Variants in OGDH observed in about 807,000 individuals in gnomAD.
OGDH encodes the protein oxoglutarate dehydrogenase.
A neutral mutation model predicts 116.6 loss-of-function variants in OGDH; 38 were observed. That is an observed-to-expected ratio of 0.33 (90% CI 0.25 to 0.43). OGDH has a LOEUF of 0.43. Among genes scored for constraint, OGDH ranks in the 20% least tolerant of loss-of-function variants. The probability of loss-of-function intolerance (pLI) is 1.00; values close to 1 mark genes in which losing one functional copy is unlikely to be tolerated. For missense variants in OGDH, 825 were observed against 1,357.2 expected (o/e 0.61, Z 6.16); for synonymous variants, 488 against 533.3 (o/e 0.92, Z 1.17).
Position 44,625,581 on chromosome 7 carries a change from G to A in OGDH, c.222+1016G>A, listed in dbSNP as rs977531142. On this transcript the variant is annotated intron_variant, in intron 2 of 22. Coordinates refer to ENST00000222673, the MANE Select transcript of OGDH (RefSeq NM_002541.4). ...TAGTAATAAGAGGGTAGGTCCCAGC[G>A]TTTCTAAGCTCCTGTGCCTCATCTG... is the stretch of plus-strand genomic sequence containing the variant. Among the ~76,000 whole-genome samples the A allele has an allele frequency of 2.0e-5, 3 of 152,208 alleles. No individual in the cohort carries two copies. In the South Asian group the frequency reaches 6.2e-4, roughly 32 times the overall value.
chr7:44,607,781 A>G (rs1373202575), intron 1 of OGDH, among the ~76,000 whole-genome samples: 1 of 151,946 alleles, frequency 6.6e-6, no homozygotes, highest in Admixed American at 6.6e-5. Flanking sequence ...GCTCACTGCA[A>G]CCTCTGCCTT....
chr7:44,679,971 G>A (rs1321882542), intron 9 of OGDH, among the ~76,000 whole-genome samples: 2 of 152,172 alleles, frequency 1.3e-5, no homozygotes, highest in East Asian at 1.9e-4. Flanking sequence ...AGCACTTTGG[G>A]AGGCTGAGGC....
intron 4 of OGDH, among the ~76,000 whole-genome samples, chr7:44,662,676 C>T (rs372197230): frequency 2.0e-5 from 3 of 151,726 alleles, no homozygotes; most frequent in East Asian, 3.9e-4. Flanking sequence ...TTGGTCAGGC[C>T]GGTCTCGAAC....
chr7:44,608,041 A>G (rs1784421981), intron 1 of OGDH, among the ~76,000 whole-genome samples: 1 of 151,922 alleles, frequency 6.6e-6, no homozygotes, highest in South Asian at 2.1e-4. Context: ...CATTTCAGTT[A>G]CTTTTTCCCT....
chr7:44,700,797 G>A (rs1450482693), intron 19 of OGDH, among the ~76,000 whole-genome samples: 1 of 152,182 alleles, frequency 6.6e-6, no homozygotes, highest in African/African-American at 2.4e-5. Flanking sequence ...TGGATCATGA[G>A]GTCAGGAGAT....
intron 5 of OGDH, among the ~76,000 whole-genome samples, chr7:44,670,320 T>C (rs776664111): frequency 3.3e-5 from 5 of 152,094 alleles, no homozygotes; most frequent in Admixed American, 6.6e-5. Flanking sequence ...GAAACAGCAG[T>C]AGTGATGAAG....
At chr7:44,662,087 C>T (rs1450456283) in intron 4 of OGDH, among the ~76,000 whole-genome samples, 2 of 152,130 alleles carry the variant, frequency 1.3e-5, no homozygotes, top group Non-Finnish European at 2.9e-5. Flanking sequence ...GATATTTTCT[C>T]TACATACATT....
Position 44,679,865 on chromosome 7 carries a change from C to T in OGDH, c.1207-1855C>T, listed in dbSNP as rs182367611. ...CATCAGCTCTGCTGTGGGTCTCCAGCCTGCCAGCCCGCCCTGCAGACTTTG... is the reference window on the plus strand; with the variant it reads ...CATCAGCTCTGCTGTGGGTCTCCAGTCTGCCAGCCCGCCCTGCAGACTTTG... On this transcript the variant is annotated intron_variant, in intron 9 of 22. Transcript: ENST00000222673. Among the ~76,000 whole-genome samples, 560 of 152,294 alleles carry T rather than the reference C, an allele frequency of 3.7e-3. 2 individuals carry two copies. The highest frequency in any genetic ancestry group is 6.5e-3 in the Non-Finnish European group (442 of 68,030).
In OGDH at chr7:44,669,145, C is replaced by CTTTTTTTT. The variant is rs869250474; in HGVS notation, c.633+2312_633+2319dup. Among the ~76,000 whole-genome samples the CTTTTTTTT allele has an allele frequency of 8.4e-4, 65 of 77,804 alleles. 9 individuals carry two copies. Among genetic ancestry groups the CTTTTTTTT allele is most frequent in the African/African-American group, 4.3e-3 (59 of 13,672 alleles). The allele number at this position is 77,804 out of a possible 152,430, so 51.0% of individuals were successfully genotyped here. ...GAGTCCCCTGTGGGGAGCCCGGCAG[C>CTTTTTTTT]TTTTTTTTTTTTTTTTTTTTTTTTT... On this transcript the variant is annotated intron_variant, in intron 5 of 22. Transcript: ENST00000222673.
rs188113387 is a variant in OGDH, at chr7:44,654,359, T to G, written c.517+6600T>G. Among the ~76,000 whole-genome samples, 41 of 152,358 alleles carry G rather than the reference T, an allele frequency of 2.7e-4. 1 individual carries two copies. The East Asian group carries it at 7.1e-3, about 26-fold the overall frequency. On this transcript the variant is annotated intron_variant, in intron 4 of 22. Coordinates refer to ENST00000222673, the MANE Select transcript of OGDH (RefSeq NM_002541.4). The stretch of plus-strand genomic sequence containing the variant: ...AAAAATGTGGCAAAATGTCAACTAC[T>G]TAGTTCTTGCCTTTCTCTGACAACC...
intron 10 of OGDH, among the ~76,000 whole-genome samples, chr7:44,685,644 G>C (rs888205289): frequency 2.0e-5 from 3 of 151,578 alleles, no homozygotes; most frequent in Non-Finnish European, 2.9e-5. Flanking sequence ...TTTGAGACGG[G>C]GTCTTGCTCT....
chr7:44,659,217 A>AT (rs1212464457), intron 4 of OGDH, among the ~76,000 whole-genome samples: 1 of 151,818 alleles, frequency 6.6e-6, no homozygotes, highest in African/African-American at 2.4e-5. Context: ...GATTGTATTG[A>AT]TTGAGTTTTG....
chr7:44,654,771 G>A (rs1786613101), intron 4 of OGDH, among the ~76,000 whole-genome samples: 3 of 152,116 alleles, frequency 2.0e-5, no homozygotes. Flanking sequence ...CCCAGAAACT[G>A]GTAAACCGAG....
intron 9 of OGDH, among the ~76,000 whole-genome samples, chr7:44,680,209 C>T (rs1014000526): frequency 1.3e-4 from 20 of 151,694 alleles, no homozygotes; most frequent in Middle Eastern, 3.4e-3. Context: ...GAGACCCTGC[C>T]TCAAAAAAAA....
intron 1 of OGDH, among the ~76,000 whole-genome samples, chr7:44,608,573 C>T (rs1784444820): frequency 6.6e-6 from 1 of 151,798 alleles, no homozygotes; most frequent in Non-Finnish European, 1.5e-5. Context: ...GTGGCGTGGG[C>T]CTGTAGTCTC....
At chr7:44,633,565 T>G (rs907643965) in intron 2 of OGDH, among the ~76,000 whole-genome samples, 1 of 152,232 alleles carries the variant, frequency 6.6e-6, no homozygotes, top group Non-Finnish European at 1.5e-5. Flanking sequence ...CAAGACTCCC[T>G]TGGAGGGAGG....
intron 1 of OGDH, among the ~76,000 whole-genome samples, chr7:44,607,234 C>T (rs1446792407): frequency 6.6e-6 from 1 of 152,248 alleles, no homozygotes; most frequent in African/African-American, 2.4e-5. Flanking sequence ...GCCCCCACAC[C>T]TGCTGCCAGA....
chr7:44,645,426 G>T lies in OGDH; in HGVS notation c.322G>T (p.Ala108Ser). ...PLSRGSLAAV[A>S]HAQSLVEAQP... ...GAGCCGAGGCTCCCTGGCTGCTGTG[G>T]CCCATGCACAGTCCCTGGTAGAAGC... Residue 108 changes from alanine to serine, a missense_variant, in exon 3 of 23, where the codon GCC (alanine) becomes TCC (serine). By Grantham distance (99) the Ala-to-Ser change is moderately conservative. Transcript: ENST00000222673. 6.2e-7 allele frequency: 1 copy of T among 1,614,198 alleles called. No individual in the cohort carries two copies. Among genetic ancestry groups the T allele is most frequent in the Non-Finnish European group, 8.5e-7 (1 of 1,180,036 alleles).
chr7:44,669,594 C>G (rs2084245200), intron 5 of OGDH, among the ~76,000 whole-genome samples: 1 of 152,172 alleles, frequency 6.6e-6, no homozygotes, highest in South Asian at 2.1e-4. Context: ...GTCCCTATGG[C>G]TAACTTCCTA....
Sources: gnomAD v4.1 joint callset for allele counts (sites outside exome capture counted in the v4.1 genomes callset) on GRCh38, gnomAD v4.1.1 for gene constraint, MANE v1.5 for transcripts, NCBI Gene and HGNC (gene_info 2026-07-23, HGNC 2026-07-21) for gene names.